CCSER1: variants seen among roughly 807,000 people sequenced by gnomAD.
CCSER1 encodes the protein coiled-coil serine rich protein 1.
Under a neutral mutation model 82.0 loss-of-function variants are expected in CCSER1, and 41 were observed. That is an observed-to-expected ratio of 0.50 (90% CI 0.39 to 0.65). The LOEUF (loss-of-function observed/expected upper bound fraction) is 0.65, where lower values mean the gene tolerates loss of function less well. Among genes scored for constraint, CCSER1 ranks in the 30% least tolerant of loss-of-function variants. CCSER1 has a pLI of 0.00. For synonymous variants in CCSER1, 414 were observed against 383.9 expected, an observed-to-expected ratio of 1.08 and a Z score of -0.92; for missense variants, 1,119 against 1,064.2, an observed-to-expected ratio of 1.05 and a Z score of -0.72.
chr4:90,350,797 A>G (rs1351021430), intron 3 of CCSER1, among the ~76,000 whole-genome samples: 1 of 152,132 alleles, frequency 6.6e-6, no homozygotes, highest in Admixed American at 6.5e-5. Context: ...AGCATAGTCA[A>G]CCATATTCTC....
chr4:91,159,955 T>A (rs1731210869), intron 10 of CCSER1, among the ~76,000 whole-genome samples: 1 of 151,928 alleles, frequency 6.6e-6, no homozygotes, highest in South Asian at 2.1e-4. Flanking sequence ...TGTGCAGGTT[T>A]GTTACCTAGG....
chr4:91,398,748 G>C (rs1395215239), intron 10 of CCSER1, among the ~76,000 whole-genome samples: 2 of 151,470 alleles, frequency 1.3e-5, no homozygotes. Context: ...AATGAGCACA[G>C]TATATCCTTC....
intron 10 of CCSER1, among the ~76,000 whole-genome samples, chr4:91,345,658 T>C (rs2149292740): frequency 6.6e-6 from 1 of 152,322 alleles, no homozygotes; most frequent in South Asian, 2.1e-4. Flanking sequence ...TGTTATATAA[T>C]TGATGAACCA....
chr4:91,442,751 A>C (rs1305963322), intron 10 of CCSER1, among the ~76,000 whole-genome samples: 1 of 145,724 alleles, frequency 6.9e-6, no homozygotes, highest in Non-Finnish European at 1.5e-5. Flanking sequence ...TCCAGAATCT[A>C]CAATGAACTC....
chr4:90,205,626 G>A (rs963881933), intron 1 of CCSER1, among the ~76,000 whole-genome samples: 11 of 152,004 alleles, frequency 7.2e-5, no homozygotes, highest in Admixed American at 5.9e-4. Flanking sequence ...TTTTTGCATC[G>A]ATGTTCATCA....
At chr4:90,611,610 G>A (rs1425978074) in intron 5 of CCSER1, among the ~76,000 whole-genome samples, 1 of 150,004 alleles carries the variant, frequency 6.7e-6, no homozygotes, top group African/African-American at 2.5e-5. Context: ...TTATTTTTGT[G>A]TGTATTAATT....
At chr4:91,402,150 A>T (rs1422933004) in intron 10 of CCSER1, among the ~76,000 whole-genome samples, 3 of 152,200 alleles carry the variant, frequency 2.0e-5, no homozygotes, top group African/African-American at 7.2e-5. Flanking sequence ...ATGGGCAGTG[A>T]TGATGAGCAT....
At chr4:90,233,839 A>C (rs1745208783) in intron 1 of CCSER1, among the ~76,000 whole-genome samples, 1 of 152,124 alleles carries the variant, frequency 6.6e-6, no homozygotes. Context: ...TGAATGATGC[A>C]CTGAGATCTT....
chr4:90,235,817 G>A (rs1745682346), intron 1 of CCSER1, among the ~76,000 whole-genome samples: 1 of 152,128 alleles, frequency 6.6e-6, no homozygotes, highest in Non-Finnish European at 1.5e-5. Context: ...TTTGTTAGTG[G>A]GAGTGGTTTA....
At chr4:90,376,004 G>A (rs1003646550) in intron 3 of CCSER1, among the ~76,000 whole-genome samples, 1 of 152,128 alleles carries the variant, frequency 6.6e-6, no homozygotes, top group Non-Finnish European at 1.5e-5. Flanking sequence ...TTGTTCTAGG[G>A]GCACTATGTG....
chr4:91,375,533 T>G (rs974467143), intron 10 of CCSER1, among the ~76,000 whole-genome samples: 1 of 150,080 alleles, frequency 6.7e-6, no homozygotes, highest in African/African-American at 2.5e-5. Flanking sequence ...TTTTTTTTTT[T>G]TTAAGACAAC....
chr4:91,269,692 G>A (rs1275764455), intron 10 of CCSER1, among the ~76,000 whole-genome samples: 1 of 152,068 alleles, frequency 6.6e-6, no homozygotes, highest in Non-Finnish European at 1.5e-5. Flanking sequence ...GCATTCTTCT[G>A]TAAATGCTGC....
intron 10 of CCSER1, among the ~76,000 whole-genome samples, chr4:91,564,522 G>A (rs1052277203): frequency 9.9e-5 from 15 of 151,960 alleles, no homozygotes; most frequent in Admixed American, 2.0e-4. Flanking sequence ...CAGTGTATAA[G>A]GGTTCCTTTT....
chr4:91,191,625 C>A (rs1381823930), intron 10 of CCSER1, among the ~76,000 whole-genome samples: 1 of 152,134 alleles, frequency 6.6e-6, no homozygotes, highest in African/African-American at 2.4e-5. Context: ...TTTCCAGAGA[C>A]ACAGTCGGTT....
intron 1 of CCSER1, among the ~76,000 whole-genome samples, chr4:90,304,363 G>A (rs1362341789): frequency 1.3e-5 from 2 of 152,282 alleles, no homozygotes; most frequent in Non-Finnish European, 2.9e-5. Flanking sequence ...GTTTATTGCG[G>A]CATTATTCAC....
chr4:91,517,315 T>C (rs1760181658), intron 10 of CCSER1, among the ~76,000 whole-genome samples: 1 of 152,184 alleles, frequency 6.6e-6, no homozygotes, highest in Non-Finnish European at 1.5e-5. Flanking sequence ...CCCTTCCATA[T>C]GATGTTGGGT....
intron 10 of CCSER1, among the ~76,000 whole-genome samples, chr4:91,410,027 A>G (rs1404368857): frequency 6.6e-6 from 1 of 152,230 alleles, no homozygotes; most frequent in African/African-American, 2.4e-5. Flanking sequence ...CCATATCCTT[A>G]TCAGAATCAG....
intron 5 of CCSER1, among the ~76,000 whole-genome samples, chr4:90,594,921 G>T (rs78583708): frequency 0.04 from 6,016 of 151,878 alleles, 360 homozygotes; most frequent in African/African-American, 0.13. Context: ...AAGCATTGAG[G>T]ATTTAGATGA....
In CCSER1 at chr4:90,831,206, T is replaced by A. The variant is rs548438643; in HGVS notation, c.2094+15361T>A. 2.6e-5 allele frequency among the ~76,000 whole-genome samples: 4 copies of A among 152,310 alleles called. No individual in the cohort carries two copies. In the South Asian group the frequency reaches 8.3e-4, roughly 32 times the overall value. On this transcript the variant is annotated intron_variant, in intron 8 of 10. Coordinates refer to ENST00000509176, the MANE Select transcript of CCSER1 (RefSeq NM_001145065.2). Reference sequence around the variant, plus strand: ...TGTGATATGCGAAGAGATGCCATTATGGAGAAAGGAAGGTAGGGTTGAATA... The same window carrying A: ...TGTGATATGCGAAGAGATGCCATTAAGGAGAAAGGAAGGTAGGGTTGAATA...
Sources: allele counts gnomAD v4.1 joint callset (sites outside exome capture counted in the v4.1 genomes callset), GRCh38; gene constraint gnomAD v4.1.1; transcripts MANE v1.5; gene names NCBI Gene and HGNC (gene_info 2026-07-23, HGNC 2026-07-21).